Variants in CPM observed in about 807,000 individuals in gnomAD.
CPM encodes the protein renal carboxypeptidase.
CPM carries 35 observed loss-of-function variants against 46.4 expected under a neutral mutation model. The ratio of observed to expected loss-of-function variants is 0.75; its 90% CI spans 0.58 to 1.00. CPM has a LOEUF of 1.00. CPM is among the 50% of genes least tolerant of loss of function. The pLI is 0.00. For missense variants in CPM, 422 were observed against 530.4 expected (o/e 0.80, Z 2.01); for synonymous variants, 195 against 195.3 (o/e 1.00, Z 0.01).
chr12:68,915,456 G>T (rs548719448), intron 2 of CPM, among the ~76,000 whole-genome samples: 8 of 152,108 alleles, frequency 5.3e-5, no homozygotes, highest in Non-Finnish European at 8.8e-5. Flanking sequence ...TTTCCCAGTC[G>T]CTTTACCTGG....
At chr12:68,874,047 C>G (rs1008407023) in intron 3 of CPM, among the ~76,000 whole-genome samples, 3 of 152,034 alleles carry the variant, frequency 2.0e-5, no homozygotes, top group Non-Finnish European at 4.4e-5. Flanking sequence ...CTCAGGTGAT[C>G]TGCCTGCCTC....
At chr12:68,938,464 G>A (rs150284677) in intron 1 of CPM, among the ~76,000 whole-genome samples, 185 of 151,824 alleles carry the variant, frequency 1.2e-3, no homozygotes, top group Non-Finnish European at 1.6e-3. Context: ...GTATTAACCA[G>A]CGCCCTAATG....
upstream of CPM, among the ~76,000 whole-genome samples, chr12:68,938,114 G>A (rs1231420450): frequency 1.3e-5 from 2 of 152,164 alleles, no homozygotes; most frequent in Non-Finnish European, 2.9e-5. Flanking sequence ...CTCAATAGAT[G>A]TCAACAAGAA....
chr12:68,867,030 T>C lies in CPM; in HGVS notation c.806A>G (p.Asn269Ser). 1 of 1,614,054 alleles carries C rather than the reference T, an allele frequency of 6.2e-7. No individual in the cohort carries two copies. Among genetic ancestry groups the C allele is most frequent in the East Asian group, 2.2e-5 (1 of 44,882 alleles). The part of the protein sequence containing the change: ...YPLQGGMQDY[N>S]YIWAQCFEIT... ...TTCAAAACACTGGGCCCAGATGTAG[T>C]TGTAATCTTGCATTCCACCTAAACA... The change falls in exon 7 of 9, where the codon AAC becomes AGC. Residue 269 changes from asparagine to serine, a missense_variant. Physicochemically the swap from Asn to Ser is conservative, Grantham distance 46. Coordinates refer to ENST00000551568, the MANE Select transcript of CPM (RefSeq NM_198320.5).
At chr12:68,863,494 C>T (rs927780095) in intron 7 of CPM, among the ~76,000 whole-genome samples, 2 of 152,154 alleles carry the variant, frequency 1.3e-5, no homozygotes, top group Non-Finnish European at 1.5e-5. Context: ...CAACACAGCA[C>T]CAAGGGGCCC....
chr12:68,893,847 C>G (rs1015824465), intron 2 of CPM, among the ~76,000 whole-genome samples: 17 of 152,130 alleles, frequency 1.1e-4, no homozygotes, highest in Non-Finnish European at 2.4e-4. Context: ...ACTCAGTGGT[C>G]CCCAGGGGTT....
At chr12:68,913,052 C>T (rs1012616951) in intron 2 of CPM, among the ~76,000 whole-genome samples, 2 of 152,176 alleles carry the variant, frequency 1.3e-5, no homozygotes, top group African/African-American at 2.4e-5. Context: ...TGTCCCTACA[C>T]GGCACCATCA....
At chr12:68,851,066 G>A (rs1451461719), downstream of CPM, 1 of 152,472 alleles carries the variant, frequency 6.6e-6, no homozygotes, top group African/African-American at 2.4e-5. Flanking sequence ...AGGTCATTAA[G>A]TTTGGTCTTT....
Position 68,871,901 on chromosome 12 carries a change from C to CCAT in CPM, c.311_313dup (p.Asp104dup). On this transcript the variant is annotated inframe_insertion, in exon 4 of 9. Transcript: ENST00000551568. ...CAGATTTGTGATTTCAGGGTCTTTG[C>CCAT]CATCACTGGTTACGAGATAGTCAAT... 1 of 1,614,078 alleles carries CCAT rather than the reference C, an allele frequency of 6.2e-7. No homozygotes were observed. Among genetic ancestry groups the CCAT allele is most frequent in the Non-Finnish European group, 8.5e-7 (1 of 1,180,010 alleles).
chr12:68,917,788 T>C (rs1380358195), intron 2 of CPM, among the ~76,000 whole-genome samples: 1 of 152,230 alleles, frequency 6.6e-6, no homozygotes, highest in Non-Finnish European at 1.5e-5. Flanking sequence ...GCTGGTTACA[T>C]AGCTACACGA....
At chr12:68,939,384 C>CTA (rs1169555972) in intron 1 of CPM, among the ~76,000 whole-genome samples, 2 of 147,832 alleles carry the variant, frequency 1.4e-5, no homozygotes, top group Admixed American at 6.8e-5. Flanking sequence ...AATATACATC[C>CTA]TATATATATA....
At position 68,887,570 on chromosome 12, in the gene CPM, T is replaced by C. The variant is rs186186140; in HGVS notation, c.161-1681A>G. ...CACCCACAAAATGCAGTTTATATGA[T>C]TTATGTACCCTGTTCAGTGCAGAAT... On this transcript the variant is annotated intron_variant, in intron 2 of 8. Coordinates refer to ENST00000551568, the MANE Select transcript of CPM (RefSeq NM_198320.5). 1.4e-3 allele frequency among the ~76,000 whole-genome samples: 211 copies of C among 152,318 alleles called. 1 individual carries two copies. Among genetic ancestry groups the C allele is most frequent in the African/African-American group, 4.8e-3 (200 of 41,568 alleles).
chr12:68,872,230 A>ATGCTGCTGCTGC (rs372578780), intron 3 of CPM, among the ~76,000 whole-genome samples: 1 of 147,368 alleles, frequency 6.8e-6, no homozygotes, highest in African/African-American at 2.6e-5. Flanking sequence ...GAGTGGAATA[A>ATGCTGCTGCTGC]TGCTGCTGCT....
At chr12:68,866,790 C>T in intron 7 of CPM, 106 bp downstream of exon 7, 1 of 924,984 alleles carries the variant, frequency 1.1e-6, no homozygotes, top group South Asian at 1.6e-5. Context: ...TGAAATGAGG[C>T]TATAACTACA....
intron 1 of CPM, among the ~76,000 whole-genome samples, chr12:68,954,032 G>A: frequency 6.6e-6 from 1 of 152,062 alleles, no homozygotes; most frequent in East Asian, 1.9e-4. Context: ...GCTTTTATTA[G>A]TTATTCCTTC....
chr12:68,886,060 C>T (rs1360657969), intron 2 of CPM, among the ~76,000 whole-genome samples, 171 bp from the exon 3 acceptor site: 4 of 152,114 alleles, frequency 2.6e-5, no homozygotes, highest in Non-Finnish European at 4.4e-5. Context: ...CATCGTTTAC[C>T]GTCAGAATTT....
chr12:68,894,864 C>A (rs1175415660), intron 2 of CPM, among the ~76,000 whole-genome samples: 1 of 151,764 alleles, frequency 6.6e-6, no homozygotes, highest in Non-Finnish European at 1.5e-5. Flanking sequence ...GTGAAACTGT[C>A]ACCACTAAAA....
chr12:68,867,098 G>A (rs1488772960), intron 6 of CPM, 50 bp from the exon 7 acceptor site: 5 of 1,587,650 alleles, frequency 3.1e-6, no homozygotes, highest in Non-Finnish European at 4.3e-6. Context: ...TTGGAGTGGA[G>A]CCAAGTATCA....
upstream of CPM, among the ~76,000 whole-genome samples, chr12:68,934,130 C>T (rs1351256698): frequency 2.0e-5 from 3 of 152,022 alleles, no homozygotes; most frequent in African/African-American, 7.3e-5. Flanking sequence ...TTCCCTCTCT[C>T]CCCCTTTCTC....
Sources: gnomAD v4.1 joint callset for allele counts (sites outside exome capture counted in the v4.1 genomes callset) on GRCh38, gnomAD v4.1.1 for gene constraint, MANE v1.5 for transcripts, NCBI Gene and HGNC (gene_info 2026-07-23, HGNC 2026-07-21) for gene names.